The following INTS8 variants were observed in gnomAD, a reference collection of about 807,000 sequenced individuals.
The protein encoded by INTS8 is protein kaonashi-1.
Under a neutral mutation model 138.9 loss-of-function variants are expected in INTS8, and 47 were observed. That is an observed-to-expected ratio of 0.34 (90% CI 0.27 to 0.43). INTS8 has a LOEUF of 0.43. INTS8 is among the 20% of genes least tolerant of loss of function. The probability of loss-of-function intolerance (pLI) is 1.00; values close to 1 mark genes in which losing one functional copy is unlikely to be tolerated. For missense variants in INTS8, 996 were observed against 1,173.0 expected (o/e 0.85, Z 2.20); for synonymous variants, 392 against 400.9 (o/e 0.98, Z 0.27).
At chr8:94,824,836 T>C in intron 1 of INTS8, 57 bp from the exon 2 acceptor site, 2 of 708,608 alleles carry the variant, frequency 2.8e-6, no homozygotes, top group Non-Finnish European at 3.9e-6. Context: ...AGTGAATCCT[T>C]TTGTATCTAC....
intron 15 of INTS8, among the ~76,000 whole-genome samples, chr8:94,857,318 C>T (rs1815788629): frequency 6.6e-6 from 1 of 152,028 alleles, no homozygotes; most frequent in Non-Finnish European, 1.5e-5. Context: ...GTGATCCACC[C>T]TCCTCGCCCT....
At chr8:94,825,632 G>A (rs76183159) in intron 2 of INTS8, among the ~76,000 whole-genome samples, 2,876 of 152,162 alleles carry the variant, frequency 0.019, 40 homozygotes, top group Non-Finnish European at 0.031. Context: ...GAATAATTGA[G>A]TTGATTTTAC....
rs373108904 is a variant in INTS8, at chr8:94,825,208, T to C, written c.305+141T>C. 1.0e-3 allele frequency: 541 copies of C among 540,592 alleles called. 1 individual carries two copies. Among genetic ancestry groups the C allele is most frequent in the Non-Finnish European group, 1.1e-3 (346 of 315,366 alleles). The allele number at this position is 540,592 out of a possible 1,614,324, so 33.5% of individuals were successfully genotyped here. A position where few individuals can be genotyped will look rare whatever the true frequency, so the allele number is the denominator to read the frequency against. ...CACGCCTATAATAATCCCGGCACTT[T>C]GGGGGCCAAGGCTGGCAGATTACTT... is the stretch of plus-strand genomic sequence containing the variant. On this transcript the variant is annotated intron_variant, in intron 2 of 26. Coordinates refer to ENST00000523731, the MANE Select transcript of INTS8 (RefSeq NM_017864.4).
Position 94,851,595 on chromosome 8 carries a change from T to C in INTS8, c.1550T>C (p.Ile517Thr), listed in dbSNP as rs1815547463. ...VNIGQLEHQLILSVDPWRIRQ... is the reference protein window; with the variant it reads ...VNIGQLEHQLTLSVDPWRIRQ... ...ATTGGTCAGTTAGAGCATCAACTTA[T>C]ATTGTCAGTGGATCCTTGGAGGATT... is the stretch of plus-strand genomic sequence containing the variant. The change falls in exon 13 of 27, where the codon ATA (isoleucine) becomes ACA (threonine). Residue 517 changes from isoleucine to threonine, a missense_variant. Ile to Thr is a moderately conservative substitution (Grantham distance 89). Coordinates refer to ENST00000523731, the MANE Select transcript of INTS8 (RefSeq NM_017864.4). The C allele has an allele frequency of 5.6e-6, 9 of 1,598,624 alleles. No individual in the cohort carries two copies. Among genetic ancestry groups the C allele is most frequent in the Non-Finnish European group, 7.7e-6 (9 of 1,173,960 alleles).
At position 94,871,957 on chromosome 8, in the gene INTS8, C is replaced by T; in HGVS notation, c.2488C>T (p.Pro830Ser). The change falls in exon 21 of 27, where the codon CCA becomes TCA. Residue 830 changes from proline (P) to serine (S), a missense_variant. Transcript: ENST00000523731. ...ELVRYTLSIN[P>S]NNHSWLIIQA... ...AGTTCGATATACACTCAGTATAAAT[C>T]CAAATAACCATTCTTGGTTAATTAT... 2 of 1,602,894 alleles carry T rather than the reference C, an allele frequency of 1.2e-6. No individual in the cohort carries two copies. Among genetic ancestry groups the T allele is most frequent in the Middle Eastern group, 1.7e-4 (1 of 6,032 alleles).
At chr8:94,859,038 G>T (rs1018983662) in intron 15 of INTS8, among the ~76,000 whole-genome samples, 2 of 152,056 alleles carry the variant, frequency 1.3e-5, no homozygotes, top group African/African-American at 4.8e-5. Context: ...GTCCGAGGCG[G>T]GCAGATCACT....
rs1814743726 is a variant in INTS8 at position 94,832,181 on chromosome 8, A to G, written c.753+7A>G. On this transcript the variant is annotated splice_region_variant and intron_variant, in intron 6 of 26. Coordinates refer to ENST00000523731, the MANE Select transcript of INTS8 (RefSeq NM_017864.4). ...CGAAGAAATGCAGTGCCAGGTATTC[A>G]TTTGATACTTAATTTACGTAGGGCA... is the stretch of plus-strand genomic sequence containing the variant. The G allele has an allele frequency of 6.2e-7, 1 of 1,603,964 alleles. No homozygotes were observed. The highest frequency in any genetic ancestry group is 1.1e-5 in the South Asian group (1 of 88,638).
intron 2 of INTS8, 81 bp from the exon 3 acceptor site, chr8:94,827,182 C>T: frequency 8.2e-7 from 1 of 1,224,516 alleles, no homozygotes; most frequent in Non-Finnish European, 1.2e-6. Context: ...TAGGTATTTT[C>T]AGCGAGGATA....
Position 94,825,005 on chromosome 8 carries a change from A to C in INTS8, c.243A>C (p.Leu81Phe). Reference protein sequence around the residue: ...PPPDNKRNRILKLLALKVAAH... With the variant: ...PPPDNKRNRIFKLLALKVAAH... Reference sequence around the variant, plus strand: ...CTGATAACAAGAGAAATCGTATTTTAAAACTACTTGCTCTTAAAGTTGCTG... The same window carrying C: ...CTGATAACAAGAGAAATCGTATTTTCAAACTACTTGCTCTTAAAGTTGCTG... The change falls in exon 2 of 27, where the codon TTA (leucine) becomes TTC (phenylalanine). Residue 81 changes from leucine (L) to phenylalanine (F), a missense_variant. Transcript: ENST00000523731. 6.2e-7 allele frequency: 1 copy of C among 1,612,722 alleles called. No homozygotes were observed. Among genetic ancestry groups the C allele is most frequent in the Non-Finnish European group, 8.5e-7 (1 of 1,178,828 alleles).
chr8:94,873,544 T>C (rs1816475490), intron 22 of INTS8, 67 bp downstream of exon 22: 3 of 969,898 alleles, frequency 3.1e-6, no homozygotes, highest in Non-Finnish European at 3.3e-6. Context: ...GGTCCCCTTT[T>C]GGCTGAACTT....
At chr8:94,840,094 T>A (rs751603201) in intron 8 of INTS8, among the ~76,000 whole-genome samples, 13 of 152,240 alleles carry the variant, frequency 8.5e-5, no homozygotes, top group Non-Finnish European at 1.5e-4. Context: ...GATTCATTAC[T>A]TATACATGCA....
At chr8:94,857,091 G>A (rs1264443620) in intron 15 of INTS8, 113 bp downstream of exon 15, 2 of 548,886 alleles carry the variant, frequency 3.6e-6, no homozygotes, top group South Asian at 2.1e-5. Flanking sequence ...TTTTTTTTTT[G>A]AGATGGAGTG....
Position 94,853,883 on chromosome 8 carries a change from A to G in INTS8, c.1720A>G (p.Met574Val), listed in dbSNP as rs923541203. Residue 574 changes from methionine to valine, a missense_variant, in exon 14 of 27, where the codon ATG becomes GTG. By Grantham distance (21) the Met-to-Val change is conservative (BLOSUM62 1). Transcript: ENST00000523731. ...NLTRDLVYIL[M>V]AKGLHCSTVK... ...AACAAGAGATTTGGTTTATATTCTT[A>G]TGGCCAAAGGTTTGCACTGCAGTAC... The G allele has an allele frequency of 1.2e-6, 2 of 1,607,092 alleles. No individual in the cohort carries two copies. The highest frequency in any genetic ancestry group is 8.5e-7 in the Non-Finnish European group (1 of 1,173,640).
At position 94,853,783 on chromosome 8, in the gene INTS8, A is replaced by G. The variant is rs749038420; in HGVS notation, c.1642-22A>G. ...GCTTCCTCTATGTGTGCATATATAT[A>G]TGTATTTTTTGTTTCTTTTAGTGGG... On this transcript the variant is annotated intron_variant, in intron 13 of 26. Transcript: ENST00000523731. 3 of 1,284,756 alleles carry G rather than the reference A, an allele frequency of 2.3e-6. No homozygotes were observed. In the South Asian group the frequency reaches 3.6e-5, roughly 15 times the overall value. 79.6% of individuals were successfully genotyped at this position (1,284,756 alleles called of 1,614,324 possible). A position where few individuals can be genotyped will look rare whatever the true frequency, so the allele number is the denominator to read the frequency against.
chr8:94,850,221 C>T (rs974140751), intron 12 of INTS8, 130 bp downstream of exon 12: 2 of 634,432 alleles, frequency 3.2e-6, no homozygotes, highest in Admixed American at 3.2e-5. Context: ...TAGAAATTCA[C>T]CTGTCTTCCG....
intron 7 of INTS8, among the ~76,000 whole-genome samples, chr8:94,838,101 C>T (rs1814999003): frequency 6.8e-6 from 1 of 147,092 alleles, no homozygotes; most frequent in Admixed American, 6.9e-5. Context: ...GGCTGGAGTG[C>T]AGTGGCGCCT....
intron 14 of INTS8, among the ~76,000 whole-genome samples, chr8:94,856,062 A>G (rs1284065525): frequency 6.6e-6 from 1 of 152,212 alleles, no homozygotes; most frequent in Non-Finnish European, 1.5e-5. Flanking sequence ...TCCAAGAAAT[A>G]GTGGTGTGAT....
chr8:94,859,769 G>A (rs1006522836), intron 16 of INTS8, 137 bp downstream of exon 16: 2 of 637,780 alleles, frequency 3.1e-6, no homozygotes, highest in Non-Finnish European at 4.9e-6. Context: ...TGTAGTTAAA[G>A]GATAGAGTTT....
chr8:94,835,247 C>G (rs1285008959), intron 6 of INTS8, among the ~76,000 whole-genome samples: 3 of 152,186 alleles, frequency 2.0e-5, no homozygotes, highest in Non-Finnish European at 4.4e-5. Flanking sequence ...TGGTTATATG[C>G]TTTTCATGTC....
Sources: allele counts gnomAD v4.1 joint callset (sites outside exome capture counted in the v4.1 genomes callset), GRCh38; gene constraint gnomAD v4.1.1; transcripts MANE v1.5; gene names NCBI Gene and HGNC (gene_info 2026-07-23, HGNC 2026-07-21).